The following FYB2 variants were observed in gnomAD, a reference collection of about 807,000 sequenced individuals.
The protein encoded by FYB2 is FYN binding protein 2.
In FYB2, 103 loss-of-function variants were observed where a neutral mutation model predicts 94.1. The observed-to-expected ratio is 1.09, with a 90% CI of 0.93 to 1.29. The LOEUF is 1.29. Among genes scored for constraint, FYB2 ranks in the 50% most tolerant of loss-of-function variants. The probability of loss-of-function intolerance (pLI) is 0.00; values close to 1 mark genes in which losing one functional copy is unlikely to be tolerated. For missense variants in FYB2, 896 were observed against 841.5 expected (o/e 1.06, Z -0.80); for synonymous variants, 293 against 287.9 (o/e 1.02, Z -0.18).
intron 8 of FYB2, 98 bp from the exon 9 acceptor site, chr1:56,751,301 C>T: frequency 8.3e-7 from 1 of 1,210,324 alleles, no homozygotes; most frequent in Non-Finnish European, 1.1e-6. Context: ...TCATGGATAA[C>T]AATTATTTAT....
At chr1:56,748,835 T>A (rs1645128622) in intron 9 of FYB2, among the ~76,000 whole-genome samples, 2 of 152,176 alleles carry the variant, frequency 1.3e-5, no homozygotes, top group Non-Finnish European at 2.9e-5. Context: ...TCTGTGATTA[T>A]CTTCCTTCTG....
intron 1 of FYB2, among the ~76,000 whole-genome samples, chr1:56,801,824 A>G (rs1025570640): frequency 2.0e-5 from 3 of 152,160 alleles, no homozygotes; most frequent in Admixed American, 1.3e-4. Context: ...ATTCTTGCCT[A>G]TCTCCCACTC....
intron 12 of FYB2, 88 bp downstream of exon 12, chr1:56,742,073 G>T: frequency 8.9e-7 from 1 of 1,128,272 alleles, no homozygotes. Context: ...GGGCTGGGGG[G>T]CGGATGGTGG....
At chr1:56,739,801 T>A (rs1022642931) in intron 13 of FYB2, among the ~76,000 whole-genome samples, 1 of 152,092 alleles carries the variant, frequency 6.6e-6, no homozygotes, top group Admixed American at 6.6e-5. Context: ...TTTGCCCAAC[T>A]GTAGGCTGAT....
chr1:56,804,192 A>G (rs1005601648), intron 1 of FYB2, among the ~76,000 whole-genome samples: 3 of 152,196 alleles, frequency 2.0e-5, no homozygotes, highest in Non-Finnish European at 4.4e-5. Flanking sequence ...TAGATGCTTC[A>G]TCTGCCCTAT....
intron 6 of FYB2, among the ~76,000 whole-genome samples, chr1:56,758,271 T>C (rs911296822): frequency 2.0e-5 from 3 of 151,056 alleles, no homozygotes; most frequent in South Asian, 2.1e-4. Flanking sequence ...TAGCCAGGAG[T>C]TGGGATTGAG....
At chr1:56,727,418 G>T (rs6702165) in intron 15 of FYB2, among the ~76,000 whole-genome samples, 1 of 151,684 alleles carries the variant, frequency 6.6e-6, no homozygotes, top group African/African-American at 2.4e-5. Flanking sequence ...ATTTGTAAGG[G>T]CCCCAAATTA....
intron 4 of FYB2, among the ~76,000 whole-genome samples, chr1:56,772,461 A>G (rs1645780531): frequency 6.6e-6 from 1 of 152,138 alleles, no homozygotes; most frequent in Non-Finnish European, 1.5e-5. Context: ...GGTCCATTAA[A>G]ACTAGATCTG....
At chr1:56,753,083 G>A (rs1163921574) in intron 8 of FYB2, among the ~76,000 whole-genome samples, 2 of 152,026 alleles carry the variant, frequency 1.3e-5, no homozygotes. Context: ...GCCAGTTCAG[G>A]CTCATACAGC....
chr1:56,787,310 G>C, intron 3 of FYB2, 102 bp from the exon 4 acceptor site: 1 of 1,424,312 alleles, frequency 7.0e-7, no homozygotes. Flanking sequence ...AATGTGGAGA[G>C]TGGAAGCTTG....
rs565391827 is a variant in FYB2 at position 56,767,978 on chromosome 1, A to G, written c.954-40T>C. 10 of 1,440,714 alleles carry G rather than the reference A, an allele frequency of 6.9e-6. No homozygotes were observed. The African/African-American group carries it at 7.2e-5, about 10-fold the overall frequency. The allele number at this position is 1,440,714 out of a possible 1,614,324, so 89.2% of individuals were successfully genotyped here. On this transcript the variant is annotated intron_variant, in intron 4 of 19. Transcript: ENST00000343433. ...GTTACTTAAAATGTAACATTTTTAAAAACATATTTTGAAAGCTTTTTGTAT... is the reference window on the plus strand; with the variant it reads ...GTTACTTAAAATGTAACATTTTTAAGAACATATTTTGAAAGCTTTTTGTAT...
intron 1 of FYB2, among the ~76,000 whole-genome samples, chr1:56,809,414 T>A (rs1225344438): frequency 6.6e-6 from 1 of 152,180 alleles, no homozygotes; most frequent in South Asian, 2.1e-4. Flanking sequence ...TTCACTAGAT[T>A]TGCTCTTCCT....
At chr1:56,747,508 T>C (rs1645096041) in intron 9 of FYB2, among the ~76,000 whole-genome samples, 1 of 152,186 alleles carries the variant, frequency 6.6e-6, no homozygotes, top group South Asian at 2.1e-4. Context: ...ATGTGTGGTG[T>C]TGGGTTTTCT....
chr1:56,764,749 C>G (rs1256083042), intron 5 of FYB2, among the ~76,000 whole-genome samples: 2 of 152,114 alleles, frequency 1.3e-5, no homozygotes, highest in Non-Finnish European at 2.9e-5. Context: ...GCTTCAGCTG[C>G]CGTAACAAAA....
In FYB2 at chr1:56,792,738, T is replaced by C. The variant is rs1335207975; in HGVS notation, c.75A>G (p.Pro25=). The C allele has an allele frequency of 1.2e-6, 2 of 1,613,992 alleles. No homozygotes were observed. Among genetic ancestry groups the C allele is most frequent in the Non-Finnish European group, 1.7e-6 (2 of 1,180,002 alleles). Residue 25 remains proline (P), a synonymous_variant, in exon 2 of 20, where the codon CCA becomes CCG. Transcript: ENST00000343433. ...CACCTGCTGGGAATTTAATAGGTCC[T>C]GGAAGAGGTGGAGCATCAAGATTTT... ...KFQNLDAPPL[P]GPIKFPAGVS...
intron 1 of FYB2, among the ~76,000 whole-genome samples, chr1:56,812,328 T>C (rs972024539): frequency 7.2e-5 from 11 of 152,134 alleles, no homozygotes; most frequent in African/African-American, 2.7e-4. Flanking sequence ...CTATATGCCA[T>C]TCACCATGAC....
At chr1:56,815,233 C>T (rs963972852) in intron 1 of FYB2, among the ~76,000 whole-genome samples, 1 of 152,140 alleles carries the variant, frequency 6.6e-6, no homozygotes, top group African/African-American at 2.4e-5. Flanking sequence ...CCTTCTCCCC[C>T]TCCTTCACTC....
chr1:56,761,846 T>G (rs1447841510), intron 5 of FYB2: 1 of 152,168 alleles, frequency 6.6e-6, no homozygotes, highest in Admixed American at 6.6e-5. Context: ...CATTTAGATG[T>G]CTCACCTTTG....
chr1:56,797,934 T>C (rs529345791), intron 1 of FYB2, among the ~76,000 whole-genome samples: 4 of 152,116 alleles, frequency 2.6e-5, no homozygotes, highest in Non-Finnish European at 5.9e-5. Flanking sequence ...TGTTTGTATT[T>C]CAGTATTTGC....
Sources: allele counts gnomAD v4.1 joint callset (sites outside exome capture counted in the v4.1 genomes callset), GRCh38; gene constraint gnomAD v4.1.1; transcripts MANE v1.5; gene names NCBI Gene and HGNC (gene_info 2026-07-23, HGNC 2026-07-21).